Variants in CEP85L observed in about 807,000 individuals in gnomAD.
The protein encoded by CEP85L is centrosomal protein of 85 kDa-like.
In CEP85L, 60 loss-of-function variants were observed where a neutral mutation model predicts 100.3. The ratio of observed to expected loss-of-function variants is 0.60; its 90% CI spans 0.49 to 0.74. CEP85L has a LOEUF of 0.74. CEP85L is among the 30% of genes least tolerant of loss of function. The probability of loss-of-function intolerance (pLI) is 0.00; values close to 1 mark genes in which losing one functional copy is unlikely to be tolerated. For missense variants in CEP85L, 973 were observed against 936.2 expected (o/e 1.04, Z -0.51); for synonymous variants, 319 against 322.7 (o/e 0.99, Z 0.12).
intron 2 of CEP85L, among the ~76,000 whole-genome samples, chr6:118,572,799 C>T (rs1400544545): frequency 2.6e-5 from 4 of 152,090 alleles, no homozygotes; most frequent in African/African-American, 9.7e-5. Context: ...CGGTGGCTCA[C>T]GCCTGTAATC....
At chr6:118,549,276 AT>A (rs1778394553) in intron 3 of CEP85L, among the ~76,000 whole-genome samples, 1 of 151,744 alleles carries the variant, frequency 6.6e-6, no homozygotes, top group South Asian at 2.1e-4. Flanking sequence ...CCTCTCTCGG[AT>A]TTAGAAAGAA....
intron 5 of CEP85L, among the ~76,000 whole-genome samples, chr6:118,505,398 G>A (rs1306405607): frequency 9.1e-5 from 10 of 109,784 alleles, no homozygotes; most frequent in African/African-American, 3.3e-4. Flanking sequence ...CCAAGATCAC[G>A]TCACTGTACT....
intron 1 of CEP85L, among the ~76,000 whole-genome samples, chr6:118,699,665 A>G (rs1313713663): frequency 1.3e-5 from 2 of 151,936 alleles, no homozygotes; most frequent in Non-Finnish European, 2.9e-5. Context: ...TACCAGCTCT[A>G]GTGCTATTAT....
chr6:118,600,998 T>C (rs966761022), intron 2 of CEP85L, among the ~76,000 whole-genome samples: 1 of 152,216 alleles, frequency 6.6e-6, no homozygotes, highest in Non-Finnish European at 1.5e-5. Flanking sequence ...TAAAGTTGTT[T>C]CTTATTTTTC....
At chr6:118,511,125 A>C (rs1775940419) in intron 5 of CEP85L, among the ~76,000 whole-genome samples, 173 bp downstream of exon 5, 1 of 152,126 alleles carries the variant, frequency 6.6e-6, no homozygotes, top group Non-Finnish European at 1.5e-5. Flanking sequence ...GGGGTGTGCA[A>C]TCTGGACAGA....
intron 2 of CEP85L, among the ~76,000 whole-genome samples, chr6:118,588,471 T>C (rs963852954): frequency 2.0e-5 from 3 of 152,182 alleles, no homozygotes; most frequent in African/African-American, 7.2e-5. Context: ...ACCTGTGCAC[T>C]TTTAAATGCA....
At chr6:118,538,306 T>A (rs1378097829) in intron 3 of CEP85L, among the ~76,000 whole-genome samples, 1 of 151,924 alleles carries the variant, frequency 6.6e-6, no homozygotes, top group Non-Finnish European at 1.5e-5. Context: ...CTTTTTGACA[T>A]CCTAATATGA....
intron 2 of CEP85L, among the ~76,000 whole-genome samples, chr6:118,584,642 C>G (rs1780755097): frequency 6.6e-6 from 1 of 152,160 alleles, no homozygotes; most frequent in Non-Finnish European, 1.5e-5. Context: ...GCCCAAAGAC[C>G]AGGCCAACAG....
At chr6:118,528,271 A>G (rs778658208) in intron 3 of CEP85L, among the ~76,000 whole-genome samples, 10 of 151,796 alleles carry the variant, frequency 6.6e-5, no homozygotes, top group Admixed American at 1.3e-4. Context: ...AGAAGGAACA[A>G]CTAGGCATAA....
At chr6:118,627,872 T>C (rs1204201811) in intron 2 of CEP85L, among the ~76,000 whole-genome samples, 1 of 152,158 alleles carries the variant, frequency 6.6e-6, no homozygotes, top group African/African-American at 2.4e-5. Flanking sequence ...GGAAGAGAAA[T>C]AACCAACTCC....
At chr6:118,514,975 T>G (rs543666081) in intron 4 of CEP85L, among the ~76,000 whole-genome samples, 17 of 151,804 alleles carry the variant, frequency 1.1e-4, no homozygotes, top group Non-Finnish European at 1.9e-4. Context: ...CGGCTAAGTT[T>G]TTTTTTTTTT....
At chr6:118,533,041 T>C (rs1777380587) in intron 3 of CEP85L, among the ~76,000 whole-genome samples, 1 of 151,910 alleles carries the variant, frequency 6.6e-6, no homozygotes, top group South Asian at 2.1e-4. Context: ...GCAGTTATAT[T>C]AGAAAAAGGG....
At chr6:118,553,378 T>C (rs900560617) in intron 3 of CEP85L, among the ~76,000 whole-genome samples, 2 of 152,120 alleles carry the variant, frequency 1.3e-5, no homozygotes, top group African/African-American at 4.8e-5. Context: ...CAATTCTCAA[T>C]GTATGACAGG....
chr6:118,691,065 A>T (rs1398338236), intron 1 of CEP85L, among the ~76,000 whole-genome samples: 2 of 152,130 alleles, frequency 1.3e-5, no homozygotes, highest in Non-Finnish European at 2.9e-5. Flanking sequence ...GAGACAGTTT[A>T]AAAAAAAGAG....
At chr6:118,623,827 T>C (rs1773603927) in intron 2 of CEP85L, among the ~76,000 whole-genome samples, 1 of 152,160 alleles carries the variant, frequency 6.6e-6, no homozygotes, top group South Asian at 2.1e-4. Context: ...ACCCAAAGGG[T>C]ATGACAGGAG....
At chr6:118,652,505 G>A (rs2115391213), upstream of CEP85L, 1 of 1,362,744 alleles carries the variant, frequency 7.3e-7, no homozygotes, top group Non-Finnish European at 9.5e-7. Flanking sequence ...CTCTGCAGTA[G>A]GCCCATCACT....
At chr6:118,574,536 C>T (rs950833379) in intron 2 of CEP85L, among the ~76,000 whole-genome samples, 6 of 152,184 alleles carry the variant, frequency 3.9e-5, no homozygotes, top group Admixed American at 6.5e-5. Context: ...CATTCTCCTC[C>T]GGGAAAGGGT....
chr6:118,506,850 G>A (rs528521190), intron 5 of CEP85L, among the ~76,000 whole-genome samples: 42 of 152,094 alleles, frequency 2.8e-4, no homozygotes, highest in Admixed American at 2.4e-3. Flanking sequence ...TTTATACAAC[G>A]GTTCCCTTTC....
chr6:118,558,883 G>C (rs375430634), intron 3 of CEP85L: 20 of 1,560,928 alleles, frequency 1.3e-5, no homozygotes, highest in Non-Finnish European at 1.7e-5. Context: ...TCTTTCTCTC[G>C]ACCACTTAAA....
Sources: allele counts gnomAD v4.1 joint callset (sites outside exome capture counted in the v4.1 genomes callset), GRCh38; gene constraint gnomAD v4.1.1; transcripts MANE v1.5; gene names NCBI Gene and HGNC (gene_info 2026-07-23, HGNC 2026-07-21).